The following EFCAB11 variants were observed in gnomAD, a reference collection of about 807,000 sequenced individuals.
The protein encoded by EFCAB11 is EF-hand calcium binding domain 11.
A neutral mutation model predicts 23.0 loss-of-function variants in EFCAB11; 14 were observed. The ratio of observed to expected loss-of-function variants is 0.61; its 90% CI spans 0.40 to 0.95. The LOEUF (loss-of-function observed/expected upper bound fraction) is 0.95, where lower values mean the gene tolerates loss of function less well. Ranked by LOEUF, EFCAB11 falls within the 40% of genes least tolerant of loss-of-function variation. The pLI is 0.00. For missense variants in EFCAB11, 198 were observed against 195.8 expected (o/e 1.01, Z -0.07); for synonymous variants, 65 against 66.6 (o/e 0.98, Z 0.11).
At position 89,827,328 on chromosome 14, in the gene EFCAB11, G is replaced by A. The variant is rs538233000; in HGVS notation, c.411-30004C>T. On this transcript the variant is annotated intron_variant, in intron 5 of 5. Coordinates refer to ENST00000316738, the MANE Select transcript of EFCAB11 (RefSeq NM_145231.4). Reference sequence around the variant, plus strand: ...GGGAGGACACCATAGGAAAACGCACGAAACTAGAACTGCAGACAACTGGAG... The same window carrying A: ...GGGAGGACACCATAGGAAAACGCACAAAACTAGAACTGCAGACAACTGGAG... 5.9e-5 allele frequency among the ~76,000 whole-genome samples: 9 copies of A among 152,274 alleles called. No individual in the cohort carries two copies. The East Asian group carries it at 1.2e-3, about 20-fold the overall frequency.
intron 5 of EFCAB11, among the ~76,000 whole-genome samples, chr14:89,810,272 TC>T (rs1566766797): frequency 6.6e-6 from 1 of 152,148 alleles, no homozygotes; most frequent in African/African-American, 2.4e-5. Context: ...CACCCTATGA[TC>T]TTACACCAAT....
At chr14:89,860,921 A>G (rs570821878) in intron 5 of EFCAB11, among the ~76,000 whole-genome samples, 83 of 152,330 alleles carry the variant, frequency 5.4e-4, no homozygotes, top group Non-Finnish European at 4.9e-4. Context: ...CCCCAGTAAC[A>G]CAAATTCTTC....
At chr14:89,812,545 T>G (rs985737056) in intron 5 of EFCAB11, among the ~76,000 whole-genome samples, 8 of 152,182 alleles carry the variant, frequency 5.3e-5, no homozygotes, top group African/African-American at 1.9e-4. Flanking sequence ...GAACATATTG[T>G]CAGAACTAGG....
At chr14:89,872,854 GAC>G (rs34058468) in intron 5 of EFCAB11, among the ~76,000 whole-genome samples, 54 of 148,736 alleles carry the variant, frequency 3.6e-4, no homozygotes, top group East Asian at 7.9e-4. Context: ...AAGAGATTAG[GAC>G]ACACACACAC....
chr14:89,837,626 C>T (rs780046603), intron 5 of EFCAB11, among the ~76,000 whole-genome samples: 1 of 152,112 alleles, frequency 6.6e-6, no homozygotes, highest in African/African-American at 2.4e-5. Flanking sequence ...TCTGCTGGGG[C>T]CCTGACTGAT....
chr14:89,836,131 T>C (rs962264469), intron 5 of EFCAB11, among the ~76,000 whole-genome samples: 1 of 152,058 alleles, frequency 6.6e-6, no homozygotes, highest in Non-Finnish European at 1.5e-5. Context: ...CACAAGAGGT[T>C]TACAGTCTGA....
chr14:89,903,222 A>G (rs573444272), intron 5 of EFCAB11, among the ~76,000 whole-genome samples: 1 of 152,372 alleles, frequency 6.6e-6, no homozygotes, highest in South Asian at 2.1e-4. Flanking sequence ...TTGCTGGCAC[A>G]GTTTCAGAAT....
At chr14:89,913,794 T>A (rs940809307) in intron 5 of EFCAB11, among the ~76,000 whole-genome samples, 2 of 152,172 alleles carry the variant, frequency 1.3e-5, no homozygotes, top group African/African-American at 2.4e-5. Context: ...TTTTTTACAG[T>A]CTTATAACTT....
rs187634580 is a variant in EFCAB11 at position 89,878,637 on chromosome 14, A to G, written c.410+52904T>C. 2.1e-3 allele frequency among the ~76,000 whole-genome samples: 318 copies of G among 152,314 alleles called. 1 individual carries two copies. Among genetic ancestry groups the G allele is most frequent in the African/African-American group, 7.3e-3 (302 of 41,598 alleles). On this transcript the variant is annotated intron_variant, in intron 5 of 5. Transcript: ENST00000316738. ...TAAATATATCTTCACAGCTTTATAT[A>G]TAAAGAATATGGAGTACATTTTACA...
intron 2 of EFCAB11, among the ~76,000 whole-genome samples, chr14:89,951,385 T>C (rs746053221): frequency 3.3e-5 from 5 of 152,174 alleles, no homozygotes; most frequent in Non-Finnish European, 5.9e-5. Context: ...GTCTATCTTC[T>C]CTAGTCTAAA....
intron 5 of EFCAB11, among the ~76,000 whole-genome samples, chr14:89,888,913 A>ACTGTCT (rs1446348930): frequency 6.6e-6 from 1 of 152,234 alleles, no homozygotes; most frequent in Non-Finnish European, 1.5e-5. Context: ...GCGCTGTGAT[A>ACTGTCT]CTGTCTCTGT....
In EFCAB11 at chr14:89,888,696, A is replaced by G. The variant is rs892246570; in HGVS notation, c.410+42845T>C. ...AACAAATGTCCAAACTATATCAAGGACACATTTAGAAGGTACCATCTGTGA... is the reference window on the plus strand; with the variant it reads ...AACAAATGTCCAAACTATATCAAGGGCACATTTAGAAGGTACCATCTGTGA... On this transcript the variant is annotated intron_variant, in intron 5 of 5. Coordinates refer to ENST00000316738, the MANE Select transcript of EFCAB11 (RefSeq NM_145231.4). 2.0e-5 allele frequency among the ~76,000 whole-genome samples: 3 copies of G among 152,112 alleles called. No individual in the cohort carries two copies. In the East Asian group the frequency reaches 5.8e-4, roughly 30 times the overall value.
intron 5 of EFCAB11, among the ~76,000 whole-genome samples, chr14:89,890,003 T>C (rs1458478740): frequency 6.6e-6 from 1 of 152,244 alleles, no homozygotes; most frequent in Non-Finnish European, 1.5e-5. Flanking sequence ...TAGTGAATCA[T>C]CAAATCTAGC....
At chr14:89,813,148 C>T (rs557894431) in intron 5 of EFCAB11, among the ~76,000 whole-genome samples, 18 of 152,222 alleles carry the variant, frequency 1.2e-4, no homozygotes, top group African/African-American at 4.1e-4. Flanking sequence ...CTATTAGATT[C>T]GTAAACATTT....
chr14:89,814,338 A>T (rs991840115), intron 5 of EFCAB11, among the ~76,000 whole-genome samples: 1 of 152,256 alleles, frequency 6.6e-6, no homozygotes, highest in African/African-American at 2.4e-5. Flanking sequence ...TGACCTGCCC[A>T]CCATGCTTCC....
chr14:89,924,584 TACC>T, intron 5 of EFCAB11: 2 of 1,529,906 alleles, frequency 1.3e-6, no homozygotes, highest in Non-Finnish European at 1.7e-6. Context: ...CAGCCAGAAA[TACC>T]ACAGGGTGTT....
At chr14:89,843,512 T>C (rs1292572192) in intron 5 of EFCAB11, among the ~76,000 whole-genome samples, 2 of 152,180 alleles carry the variant, frequency 1.3e-5, no homozygotes, top group East Asian at 3.9e-4. Flanking sequence ...CTCACATAGA[T>C]TCATAGTTAA....
chr14:89,794,681 A>G lies in EFCAB11; in HGVS notation c.*2562T>C, dbSNP rs1885516498. The G allele has an allele frequency of 6.6e-6, 1 of 152,218 alleles. No individual in the cohort carries two copies. The highest frequency in any genetic ancestry group is 2.4e-5 in the African/African-American group (1 of 41,466). The allele number at this position is 152,218 out of a possible 1,614,324, so 9.4% of individuals were successfully genotyped here. ...ACCATTGATCCGCTTTGTATTTGAA[A>G]TAAGATTTTATTTTTACTTGATTTT... is the stretch of plus-strand genomic sequence containing the variant. On this transcript the variant is annotated 3_prime_UTR_variant, in exon 6 of 6. Transcript: ENST00000316738.
At chr14:89,874,736 C>T (rs868714379) in intron 5 of EFCAB11, among the ~76,000 whole-genome samples, 1 of 152,026 alleles carries the variant, frequency 6.6e-6, no homozygotes, top group Non-Finnish European at 1.5e-5. Flanking sequence ...CCTCTACTAA[C>T]AAAAAATTAG....
Sources: allele counts gnomAD v4.1 joint callset (sites outside exome capture counted in the v4.1 genomes callset), GRCh38; gene constraint gnomAD v4.1.1; transcripts MANE v1.5; gene names NCBI Gene and HGNC (gene_info 2026-07-23, HGNC 2026-07-21).